CTNNA3: variants seen among roughly 807,000 people sequenced by gnomAD.
CTNNA3 encodes the protein catenin alpha 3.
In CTNNA3, 76 loss-of-function variants were observed where a neutral mutation model predicts 95.7. The ratio of observed to expected loss-of-function variants is 0.79; its 90% confidence interval spans 0.66 to 0.96. CTNNA3 has a LOEUF of 0.96. CTNNA3 is among the 40% of genes least tolerant of loss of function. The probability of loss-of-function intolerance (pLI) is 0.00; values close to 1 mark genes in which losing one functional copy is unlikely to be tolerated. For synonymous variants in CTNNA3, 431 were observed against 374.4 expected (o/e 1.15, Z -1.74); for missense variants, 1,191 against 1,089.8 (o/e 1.09, Z -1.31).
chr10:66,923,570 T>A (rs1846901232), intron 7 of CTNNA3, among the ~76,000 whole-genome samples: 1 of 152,232 alleles, frequency 6.6e-6, no homozygotes, highest in Admixed American at 6.5e-5. Flanking sequence ...GGTTCAGTAT[T>A]ACCCTTCTGT....
intron 12 of CTNNA3, among the ~76,000 whole-genome samples, chr10:66,336,231 C>T (rs1306967813): frequency 6.6e-6 from 1 of 152,012 alleles, no homozygotes; most frequent in Non-Finnish European, 1.5e-5. Context: ...GCACAGCACC[C>T]ACTGTCCTGC....
chr10:66,549,884 G>A (rs1410043235), intron 10 of CTNNA3, among the ~76,000 whole-genome samples: 3 of 152,036 alleles, frequency 2.0e-5, no homozygotes, highest in Admixed American at 6.5e-5. Context: ...TTATGGCCTG[G>A]CATAGGATCT....
chr10:67,225,769 A>G (rs1364931437), intron 5 of CTNNA3, among the ~76,000 whole-genome samples: 1 of 152,154 alleles, frequency 6.6e-6, no homozygotes, highest in East Asian at 1.9e-4. Flanking sequence ...CTACACAAAT[A>G]AGAAGGAACC....
intron 5 of CTNNA3, among the ~76,000 whole-genome samples, chr10:67,246,978 A>T (rs1865931379): frequency 6.6e-6 from 1 of 152,224 alleles, no homozygotes; most frequent in Non-Finnish European, 1.5e-5. Flanking sequence ...TGTGTAAGGA[A>T]TGCATACTCA....
chr10:67,482,881 G>A (rs558795203), intron 5 of CTNNA3, among the ~76,000 whole-genome samples: 1 of 152,222 alleles, frequency 6.6e-6, no homozygotes, highest in East Asian at 1.9e-4. Context: ...TATTGGCTGT[G>A]GGTTTGTCAT....
intron 5 of CTNNA3, among the ~76,000 whole-genome samples, chr10:67,250,676 G>A (rs1254862288): frequency 2.0e-5 from 3 of 152,090 alleles, no homozygotes; most frequent in African/African-American, 7.2e-5. Flanking sequence ...TGGAACCAGC[G>A]CATATGGAGG....
intron 11 of CTNNA3, among the ~76,000 whole-genome samples, chr10:66,463,912 C>T (rs1475671009): frequency 2.1e-4 from 31 of 147,828 alleles, no homozygotes; most frequent in African/African-American, 6.6e-4. Context: ...TACAAATAAG[C>T]GTAAGAAAGA....
intron 5 of CTNNA3, among the ~76,000 whole-genome samples, chr10:67,256,562 A>C (rs921500309): frequency 6.6e-6 from 1 of 152,158 alleles, no homozygotes; most frequent in Non-Finnish European, 1.5e-5. Context: ...AATAAAAATG[A>C]CTGCTTTTTC....
rs1226885147 is a variant in CTNNA3, at chr10:67,235,534, A to C, written c.580-15664T>G. ...CAATTCAAGATGGATTAAAGACTTA[A>C]ACGTTAGACCTAAAACCATAAAAAC... On this transcript the variant is annotated intron_variant, in intron 5 of 17. Coordinates refer to ENST00000433211, the MANE Select transcript of CTNNA3 (RefSeq NM_013266.4). 3.3e-5 allele frequency among the ~76,000 whole-genome samples: 5 copies of C among 149,878 alleles called. No individual in the cohort carries two copies. The East Asian group carries it at 5.9e-4, about 18-fold the overall frequency.
At chr10:66,448,490 T>C (rs1293147276) in intron 11 of CTNNA3, among the ~76,000 whole-genome samples, 1 of 152,162 alleles carries the variant, frequency 6.6e-6, no homozygotes. Context: ...TGGAATACTA[T>C]GTAGCCATAA....
At chr10:66,921,111 C>T (rs1846763119) in intron 7 of CTNNA3, among the ~76,000 whole-genome samples, 1 of 152,144 alleles carries the variant, frequency 6.6e-6, no homozygotes. Flanking sequence ...ATGAAGGTAA[C>T]AGAAGACCTG....
At position 66,422,683 on chromosome 10, in the gene CTNNA3, G is replaced by A. The variant is rs148588865; in HGVS notation, c.1532-43331C>T. Reference sequence around the variant, plus strand: ...TTTATTTTTCAACATTGCAGATATCGCTTTGATTTTTTCCATATCAATCTA... The same window carrying A: ...TTTATTTTTCAACATTGCAGATATCACTTTGATTTTTTCCATATCAATCTA... On this transcript the variant is annotated intron_variant, in intron 11 of 17. Transcript: ENST00000433211. Among the ~76,000 whole-genome samples the A allele has an allele frequency of 4.3e-3, 651 of 152,032 alleles. 11 individuals are homozygous for A. The highest frequency in any genetic ancestry group is 0.022 in the East Asian group (113 of 5,166).
Position 66,329,417 on chromosome 10 carries a change from C to T in CTNNA3, c.1733-48796G>A, listed in dbSNP as rs1020517519. Among the ~76,000 whole-genome samples the T allele has an allele frequency of 1.4e-4, 21 of 151,852 alleles. 1 individual carries two copies. Among genetic ancestry groups the T allele is most frequent in the African/African-American group, 5.1e-4 (21 of 41,368 alleles). On this transcript the variant is annotated intron_variant, in intron 12 of 17. Coordinates refer to ENST00000433211, the MANE Select transcript of CTNNA3 (RefSeq NM_013266.4). ...AGCCAGAAGCACCCTTACAGTGTAA[C>T]ACCCCAAAACAATGTTTCTCCTGGG...
chr10:67,632,428 C>T (rs2133439730), intron 2 of CTNNA3, among the ~76,000 whole-genome samples: 1 of 152,180 alleles, frequency 6.6e-6, no homozygotes, highest in South Asian at 2.1e-4. Flanking sequence ...CTGCGGTCTG[C>T]GCACTCAGAG....
intron 7 of CTNNA3, among the ~76,000 whole-genome samples, chr10:66,828,904 T>A (rs539990453): frequency 6.6e-6 from 1 of 152,202 alleles, no homozygotes; most frequent in Non-Finnish European, 1.5e-5. Flanking sequence ...ATACTATGAC[T>A]GCACAGCTGT....
intron 17 of CTNNA3, among the ~76,000 whole-genome samples, chr10:65,939,133 C>G (rs1412827096): frequency 6.6e-6 from 1 of 152,110 alleles, no homozygotes; most frequent in Non-Finnish European, 1.5e-5. Flanking sequence ...TCTCCATCTC[C>G]TGACCTCGTG....
intron 17 of CTNNA3, among the ~76,000 whole-genome samples, chr10:65,921,645 T>C (rs1420034182): frequency 6.6e-6 from 1 of 152,170 alleles, no homozygotes; most frequent in Non-Finnish European, 1.5e-5. Context: ...GTCTGTCACC[T>C]GGGAAAGCAG....
At chr10:67,271,721 TA>T (rs1338111117) in intron 5 of CTNNA3, among the ~76,000 whole-genome samples, 1 of 151,998 alleles carries the variant, frequency 6.6e-6, no homozygotes, top group African/African-American at 2.4e-5. Flanking sequence ...GGGAAAAAAA[TA>T]ATAGGCATCC....
rs930871624 is a variant in CTNNA3 at position 66,069,506 on chromosome 10, T to G, written c.1978-17A>C. The G allele has an allele frequency of 8.8e-6, 14 of 1,584,922 alleles. No homozygotes were observed. The Admixed American group carries it at 2.2e-4, about 25-fold the overall frequency. On this transcript the variant is annotated splice_polypyrimidine_tract_variant and intron_variant, in intron 14 of 17. Coordinates refer to ENST00000433211, the MANE Select transcript of CTNNA3 (RefSeq NM_013266.4). ...CATCTTAGCCTAAAACATGTGATAA[T>G]TAGAGTTAAAATCATTCCACTATGT...
Sources: allele counts gnomAD v4.1 joint callset (sites outside exome capture counted in the v4.1 genomes callset), GRCh38; gene constraint gnomAD v4.1.1; transcripts MANE v1.5; gene names NCBI Gene and HGNC (gene_info 2026-07-23, HGNC 2026-07-21).